Variants in MALRD1 observed in about 807,000 individuals in gnomAD.
The protein encoded by MALRD1 is MAM and LDL-receptor class A domain-containing protein 1.
In MALRD1, 247 loss-of-function variants were observed where a neutral mutation model predicts 242.1. The observed-to-expected ratio is 1.02, with a 90% CI of 0.92 to 1.13. MALRD1 has a LOEUF of 1.13. Among genes scored for constraint, MALRD1 ranks in the 50% most tolerant of loss-of-function variants. MALRD1 has a pLI of 0.00. For missense variants in MALRD1, 2,989 were observed against 2,533.1 expected (o/e 1.18, Z -3.86); for synonymous variants, 995 against 866.6 (o/e 1.15, Z -2.60).
intron 28 of MALRD1, among the ~76,000 whole-genome samples, chr10:19,423,628 T>C (rs1273775368): frequency 6.6e-6 from 1 of 151,994 alleles, no homozygotes; most frequent in African/African-American, 2.4e-5. Flanking sequence ...CCGTGGCAGG[T>C]CATCATGTAT....
chr10:19,107,256 G>A (rs1836495922), intron 5 of MALRD1, among the ~76,000 whole-genome samples: 1 of 151,926 alleles, frequency 6.6e-6, no homozygotes, highest in African/African-American at 2.4e-5. Flanking sequence ...TTGTATTGCA[G>A]TCTATCTATT....
intron 36 of MALRD1, among the ~76,000 whole-genome samples, chr10:19,620,779 G>T (rs1839366385): frequency 6.6e-6 from 1 of 151,900 alleles, no homozygotes; most frequent in African/African-American, 2.4e-5. Context: ...TGAATGTAAA[G>T]TCCTGAAATT....
At chr10:19,308,348 T>G (rs1320308368) in intron 21 of MALRD1, among the ~76,000 whole-genome samples, 1 of 151,530 alleles carries the variant, frequency 6.6e-6, no homozygotes, top group Non-Finnish European at 1.5e-5. Flanking sequence ...AATATCCTCC[T>G]CCTATGTAAA....
intron 36 of MALRD1, among the ~76,000 whole-genome samples, chr10:19,653,304 A>G (rs2131711823): frequency 6.6e-6 from 1 of 152,050 alleles, no homozygotes; most frequent in South Asian, 2.1e-4. Context: ...TCAGGTGATC[A>G]TCGCACCTTA....
At chr10:19,304,763 CAT>C (rs1402917403) in intron 21 of MALRD1, among the ~76,000 whole-genome samples, 1 of 151,724 alleles carries the variant, frequency 6.6e-6, no homozygotes, top group Non-Finnish European at 1.5e-5. Flanking sequence ...TGACCAAGGT[CAT>C]AAATAAACTT....
intron 2 of MALRD1, among the ~76,000 whole-genome samples, chr10:19,082,075 TA>T (rs1321292705): frequency 2.6e-5 from 4 of 151,858 alleles, no homozygotes; most frequent in Non-Finnish European, 5.9e-5. Context: ...CTGTATGACT[TA>T]TTTTTTTCTT....
chr10:19,118,984 A>C (rs1424572149), intron 5 of MALRD1, among the ~76,000 whole-genome samples: 1 of 152,166 alleles, frequency 6.6e-6, no homozygotes, highest in African/African-American at 2.4e-5. Context: ...CAAGGACAGA[A>C]AGACAAATTA....
At chr10:19,637,253 G>T (rs1237075760) in intron 36 of MALRD1, among the ~76,000 whole-genome samples, 1 of 151,968 alleles carries the variant, frequency 6.6e-6, no homozygotes, top group African/African-American at 2.4e-5. Context: ...TATTTTCATG[G>T]AACAATAATG....
intron 38 of MALRD1, among the ~76,000 whole-genome samples, chr10:19,707,011 T>C (rs766439760): frequency 1.4e-5 from 2 of 148,052 alleles, no homozygotes; most frequent in Non-Finnish European, 3.0e-5. Flanking sequence ...TCCTCCTCCT[T>C]CTTCTCTTCC....
At chr10:19,466,787 T>A (rs528599878) in intron 29 of MALRD1, among the ~76,000 whole-genome samples, 16 of 152,268 alleles carry the variant, frequency 1.1e-4, no homozygotes, top group African/African-American at 3.9e-4. Flanking sequence ...AAAATTCACT[T>A]ATGTTTCATA....
At chr10:19,630,566 T>G (rs998403158) in intron 36 of MALRD1, among the ~76,000 whole-genome samples, 5 of 152,134 alleles carry the variant, frequency 3.3e-5, no homozygotes, top group Admixed American at 2.6e-4. Context: ...AATAAAGACT[T>G]TAGTAATGAG....
chr10:19,649,990 C>T (rs1455522835), intron 36 of MALRD1, among the ~76,000 whole-genome samples: 1 of 152,120 alleles, frequency 6.6e-6, no homozygotes, highest in Non-Finnish European at 1.5e-5. Context: ...GGAGTCTTTT[C>T]CCCATTGCTT....
intron 8 of MALRD1, among the ~76,000 whole-genome samples, chr10:19,131,170 C>G (rs911291011): frequency 7.2e-5 from 11 of 152,064 alleles, no homozygotes; most frequent in African/African-American, 2.4e-4. Context: ...TAAAAGGACT[C>G]CAAACCTATC....
In MALRD1 at chr10:19,066,749, A is replaced by G. The variant is rs1406126812; in HGVS notation, c.230A>G (p.Asp77Gly). The G allele has an allele frequency of 1.4e-5, 17 of 1,233,562 alleles. No individual in the cohort carries two copies. In the East Asian group the frequency reaches 3.8e-4, roughly 27 times the overall value. 76.4% of individuals were successfully genotyped at this position (1,233,562 alleles called of 1,614,324 possible). Reference sequence around the variant, plus strand: ...AATTATGAAAGATGTGATTTTGAGGATGGTCTCTGTCATATGACTCAAGAT... The same window carrying G: ...AATTATGAAAGATGTGATTTTGAGGGTGGTCTCTGTCATATGACTCAAGAT... The part of the protein sequence containing the change: ...CLNYERCDFE[D>G]GLCHMTQDQS... Residue 77 changes from aspartate to glycine, a missense_variant, in exon 2 of 40, where the codon GAT becomes GGT. Coordinates refer to ENST00000454679, the MANE Select transcript of MALRD1 (RefSeq NM_001142308.3).
intron 29 of MALRD1, among the ~76,000 whole-genome samples, chr10:19,458,107 T>C (rs1269571261): frequency 6.6e-6 from 1 of 152,142 alleles, no homozygotes; most frequent in Non-Finnish European, 1.5e-5. Flanking sequence ...TAAAATTTTC[T>C]GCCAACACTT....
At chr10:19,237,071 T>C (rs1187113898) in intron 18 of MALRD1, among the ~76,000 whole-genome samples, 1 of 152,096 alleles carries the variant, frequency 6.6e-6, no homozygotes, top group Non-Finnish European at 1.5e-5. Context: ...ATGTATGTTG[T>C]ATAATGATCC....
chr10:19,384,384 CTATATAT>C (rs1297613875), intron 26 of MALRD1, among the ~76,000 whole-genome samples: 9 of 103,240 alleles, frequency 8.7e-5, no homozygotes, highest in Admixed American at 4.2e-4. Flanking sequence ...ATAATATTTA[CTATATAT>C]TATATATTAT....
intron 26 of MALRD1, among the ~76,000 whole-genome samples, chr10:19,370,069 A>G (rs921489150): frequency 3.3e-5 from 5 of 152,084 alleles, no homozygotes; most frequent in Non-Finnish European, 5.9e-5. Flanking sequence ...TTCATCATGA[A>G]TTAATGTCAT....
chr10:19,376,916 T>C lies in MALRD1; in HGVS notation c.4442-10612T>C, dbSNP rs556452111. Among the ~76,000 whole-genome samples the C allele has an allele frequency of 3.3e-5, 5 of 152,170 alleles. 1 individual carries two copies. Among genetic ancestry groups the C allele is most frequent in the Middle Eastern group, 3.2e-3 (1 of 316 alleles). On this transcript the variant is annotated intron_variant, in intron 26 of 39. Transcript: ENST00000454679. Reference sequence around the variant, plus strand: ...CTCTTTTGTAAAAAGACTGTTGCACTAAGTTGATTTATTGGGAAAAACTAT... The same window carrying C: ...CTCTTTTGTAAAAAGACTGTTGCACCAAGTTGATTTATTGGGAAAAACTAT...
Sources: gnomAD v4.1 joint callset for allele counts (sites outside exome capture counted in the v4.1 genomes callset) on GRCh38, gnomAD v4.1.1 for gene constraint, MANE v1.5 for transcripts, NCBI Gene and HGNC (gene_info 2026-07-23, HGNC 2026-07-21) for gene names.